Variants in IKBIP observed in about 807,000 individuals in gnomAD.
IKBIP encodes the protein inhibitor of nuclear factor kappa-B kinase-interacting protein.
A neutral mutation model predicts 31.0 loss-of-function variants in IKBIP; 28 were observed. The observed-to-expected ratio is 0.90, with a 90% CI of 0.67 to 1.24. The LOEUF is 1.24. IKBIP is among the 50% of genes most tolerant of loss of function. IKBIP has a pLI of 0.00. For synonymous variants in IKBIP, 164 were observed against 160.3 expected, an observed-to-expected ratio of 1.02 and a Z score of -0.17; for missense variants, 453 against 441.9, an observed-to-expected ratio of 1.03 and a Z score of -0.23.
At chr12:98,636,242 G>A (rs2097625652) in intron 1 of IKBIP, among the ~76,000 whole-genome samples, 2 of 152,204 alleles carry the variant, frequency 1.3e-5, no homozygotes, top group Non-Finnish European at 2.9e-5. Context: ...CAAATCTGAT[G>A]CCTGGGTCTC....
chr12:98,644,712 C>G lies in IKBIP; in HGVS notation c.-11G>C. On this transcript the variant is annotated 5_prime_UTR_variant, in exon 1 of 3. Transcript: ENST00000299157. The stretch of plus-strand genomic sequence containing the variant: ...CTTCACCTCAGACATGTCTGGAGAC[C>G]CTAGGACGACAAGCCCAGGGCAGCT... 1 of 1,599,096 alleles carries G rather than the reference C, an allele frequency of 6.3e-7. No individual in the cohort carries two copies. The highest frequency in any genetic ancestry group is 1.4e-5 in the African/African-American group (1 of 73,488).
chr12:98,638,515 T>A (rs2097627795), intron 1 of IKBIP, among the ~76,000 whole-genome samples: 1 of 152,150 alleles, frequency 6.6e-6, no homozygotes, highest in South Asian at 2.1e-4. Context: ...GCTCAAGTGA[T>A]CCTCCTGCCT....
At position 98,626,514 on chromosome 12, in the gene IKBIP, C is replaced by T; in HGVS notation, c.550G>A (p.Val184Ile). ...KSEAKHIHSQ[V>I]TVQINSAEQE... ...TCAGCTGAGTTAATTTGGACAGTTA[C>T]TTGAGAATGTATATGTTTTGCTTCT... Residue 184 changes from valine to isoleucine, a missense_variant, in exon 3 of 3, where the codon GTA becomes ATA. Val to Ile is a conservative substitution (Grantham distance 29). Transcript: ENST00000299157. The T allele has an allele frequency of 6.2e-7, 1 of 1,613,564 alleles. No individual in the cohort carries two copies. The highest frequency in any genetic ancestry group is 8.5e-7 in the Non-Finnish European group (1 of 1,179,956).
chr12:98,632,515 A>ATATATATATATATG (rs2097621655), intron 2 of IKBIP, among the ~76,000 whole-genome samples: 1 of 45,176 alleles, frequency 2.2e-5, no homozygotes, highest in African/African-American at 1.0e-4. Context: ...AAAAAAAAAT[A>ATATATATATATATG]TATATATATA....
At position 98,642,664 on chromosome 12, in the gene IKBIP, G is replaced by A. The variant is rs12581805; in HGVS notation, c.179+1859C>T. On this transcript the variant is annotated intron_variant, in intron 1 of 2. Coordinates refer to ENST00000299157, the MANE Select transcript of IKBIP (RefSeq NM_153687.4). The stretch of plus-strand genomic sequence containing the variant: ...CCTGCAGGCTGGAGTGCAGTGGCAC[G>A]ATTTCGGCTCACTGCAACCTCCGCC... Among the ~76,000 whole-genome samples, 16 of 137,612 alleles carry A rather than the reference G, an allele frequency of 1.2e-4. No homozygotes were observed. In the Admixed American group the frequency reaches 1.3e-3, roughly 11 times the overall value. The allele number at this position is 137,612 out of a possible 152,430, so 90.3% of individuals were successfully genotyped here. A position where few individuals can be genotyped will look rare whatever the true frequency, so the allele number is the denominator to read the frequency against.
downstream of IKBIP, among the ~76,000 whole-genome samples, chr12:98,619,372 G>C (rs942589225): frequency 6.7e-6 from 1 of 149,682 alleles, no homozygotes; most frequent in Non-Finnish European, 1.5e-5. Flanking sequence ...AATGAGCTTA[G>C]CTTATTCTTA....
At chr12:98,631,628 A>C (rs61932023) in intron 2 of IKBIP, among the ~76,000 whole-genome samples, 59,581 of 147,808 alleles carry the variant, frequency 0.4, 13,046 homozygotes, top group African/African-American at 0.6. Context: ...CAAAAATTAG[A>C]CGGGTGTGGT....
At chr12:98,643,823 T>TC (rs1260812706) in intron 1 of IKBIP, among the ~76,000 whole-genome samples, 1 of 150,542 alleles carries the variant, frequency 6.6e-6, no homozygotes, top group East Asian at 2.0e-4. Context: ...TTTTCTTTTT[T>TC]TTTTTTTTTT....
At position 98,634,345 on chromosome 12, in the gene IKBIP, G is replaced by T; in HGVS notation, c.248C>A (p.Thr83Asn). 2 of 1,604,390 alleles carry T rather than the reference G, an allele frequency of 1.2e-6. No homozygotes were observed. The highest frequency in any genetic ancestry group is 2.2e-5 in the South Asian group (2 of 90,492). ...ENQYQLLKLE[T>N]NEFQQLQSKI... Reference sequence around the variant, plus strand: ...ACTTTGAAGTTGTTGGAATTCATTGGTTTCTAGTTTCAGTAACTGGTATTG... The same window carrying T: ...ACTTTGAAGTTGTTGGAATTCATTGTTTTCTAGTTTCAGTAACTGGTATTG... The change falls in exon 2 of 3, where the codon ACC becomes AAC. Residue 83 changes from threonine to asparagine, a missense_variant. Transcript: ENST00000299157.
At chr12:98,626,875 G>A (rs2097615008) in intron 2 of IKBIP, 109 bp from the exon 3 acceptor site, 5 of 791,882 alleles carry the variant, frequency 6.3e-6, no homozygotes, top group African/African-American at 3.5e-5. Context: ...AAATTCTGAA[G>A]ATGTCTAAAA....
At chr12:98,624,098 C>A (rs1312299126), downstream of IKBIP, among the ~76,000 whole-genome samples, 1 of 145,144 alleles carries the variant, frequency 6.9e-6, no homozygotes, top group East Asian at 1.9e-4. Context: ...CATTTACTTT[C>A]AGTAACCATT....
chr12:98,623,751 C>T (rs776316929), downstream of IKBIP, among the ~76,000 whole-genome samples: 2 of 150,392 alleles, frequency 1.3e-5, no homozygotes, highest in African/African-American at 2.5e-5. Flanking sequence ...TACAAAGATA[C>T]AAAAATGTGT....
intron 2 of IKBIP, among the ~76,000 whole-genome samples, chr12:98,630,081 T>C (rs1024603153): frequency 6.6e-6 from 1 of 151,870 alleles, no homozygotes. Context: ...TCTCATTTTT[T>C]CTTAAAGAAA....
Position 98,629,376 on chromosome 12 carries a change from T to TCAAACAAA in IKBIP, c.298-2618_298-2611dup, listed in dbSNP as rs61111913. On this transcript the variant is annotated intron_variant, in intron 2 of 2. Coordinates refer to ENST00000299157, the MANE Select transcript of IKBIP (RefSeq NM_153687.4). The stretch of plus-strand genomic sequence containing the variant: ...GGCACAAAGCAAGACCCTGTCTCTA[T>TCAAACAAA]CAAACAAACAAACAAACAAACAAAC... Among the ~76,000 whole-genome samples the TCAAACAAA allele has an allele frequency of 5.9e-3, 887 of 150,034 alleles. 10 individuals carry two copies. Among genetic ancestry groups the TCAAACAAA allele is most frequent in the East Asian group, 0.051 (255 of 5,006 alleles).
chr12:98,634,710 CT>C (rs552233683), intron 1 of IKBIP, among the ~76,000 whole-genome samples: 11,054 of 131,766 alleles, frequency 0.084, 561 homozygotes, highest in African/African-American at 0.18. Flanking sequence ...GGTCTTTAGC[CT>C]TTTTTTTTTT....
At chr12:98,622,284 G>A (rs1351547065), downstream of IKBIP, among the ~76,000 whole-genome samples, 1 of 152,104 alleles carries the variant, frequency 6.6e-6, no homozygotes, top group Non-Finnish European at 1.5e-5. Context: ...CCAGCACTTT[G>A]GGAAGACCAG....
intron 1 of IKBIP, among the ~76,000 whole-genome samples, chr12:98,642,203 T>C (rs1282201828): frequency 6.6e-6 from 1 of 152,208 alleles, no homozygotes; most frequent in African/African-American, 2.4e-5. Context: ...CGCTCTGTTA[T>C]CCAGGCTGGA....
chr12:98,633,074 T>A (rs183214054), intron 2 of IKBIP, among the ~76,000 whole-genome samples: 29 of 152,212 alleles, frequency 1.9e-4, no homozygotes, highest in Non-Finnish European at 2.9e-5. Flanking sequence ...TGGAGGATTA[T>A]ATGCTCATCC....
chr12:98,634,587 T>C (rs1297774916), intron 1 of IKBIP, among the ~76,000 whole-genome samples, 174 bp from the exon 2 acceptor site: 1 of 150,648 alleles, frequency 6.6e-6, no homozygotes, highest in African/African-American at 2.4e-5. Flanking sequence ...CAGGCTGGAA[T>C]GCAGTGTCAC....
Sources: allele counts gnomAD v4.1 joint callset (sites outside exome capture counted in the v4.1 genomes callset), GRCh38; gene constraint gnomAD v4.1.1; transcripts MANE v1.5; gene names NCBI Gene and HGNC (gene_info 2026-07-23, HGNC 2026-07-21).